SLAIN1: variants seen among roughly 807,000 people sequenced by gnomAD.
SLAIN1 encodes the protein SLAIN family member 1.
Under a neutral mutation model 55.4 loss-of-function variants are expected in SLAIN1, and 17 were observed. The ratio of observed to expected loss-of-function variants is 0.31; its 90% CI spans 0.21 to 0.46. The LOEUF (loss-of-function observed/expected upper bound fraction) is 0.46, where lower values mean the gene tolerates loss of function less well. Among genes scored for constraint, SLAIN1 ranks in the 20% least tolerant of loss-of-function variants. The pLI, the probability that SLAIN1 is intolerant of heterozygous loss-of-function variation, is 1.00. For synonymous variants in SLAIN1, 348 were observed against 337.4 expected (o/e 1.03, Z -0.35); for missense variants, 682 against 785.1 (o/e 0.87, Z 1.57).
At chr13:77,746,432 AT>A in intron 3 of SLAIN1, 81 bp from the exon 4 acceptor site, 2 of 1,243,708 alleles carry the variant, frequency 1.6e-6, no homozygotes, top group Non-Finnish European at 1.1e-6. Flanking sequence ...ATTTGGCACA[AT>A]TTTTCATCTA....
chr13:77,712,642 A>T (rs1459107930), intron 1 of SLAIN1, among the ~76,000 whole-genome samples: 1 of 152,218 alleles, frequency 6.6e-6, no homozygotes, highest in Admixed American at 6.5e-5. Context: ...GCCCAAAGTA[A>T]TTTATAGATT....
intron 4 of SLAIN1, among the ~76,000 whole-genome samples, chr13:77,749,941 G>T (rs1268240960): frequency 6.6e-6 from 1 of 152,150 alleles, no homozygotes; most frequent in Non-Finnish European, 1.5e-5. Flanking sequence ...CAGATTAGAG[G>T]CATAGCCAAA....
intron 2 of SLAIN1, chr13:77,742,900 C>T: frequency 4.1e-6 from 2 of 487,494 alleles, no homozygotes; most frequent in South Asian, 3.4e-5. Context: ...TAAGATAGTC[C>T]TATGAAAAGT....
At chr13:77,748,720 C>G (rs946376913) in intron 4 of SLAIN1, among the ~76,000 whole-genome samples, 4 of 152,098 alleles carry the variant, frequency 2.6e-5, no homozygotes, top group African/African-American at 4.8e-5. Context: ...AATACAAAGG[C>G]AATCTTCTGG....
intron 1 of SLAIN1, among the ~76,000 whole-genome samples, chr13:77,715,756 T>C (rs891141601): frequency 5.9e-5 from 9 of 152,168 alleles, no homozygotes; most frequent in African/African-American, 2.2e-4. Context: ...ATCGAAACTT[T>C]TGTCTATTTT....
chr13:77,727,444 AAAAACAAAACAATTTT>A (rs2154409900), intron 2 of SLAIN1, among the ~76,000 whole-genome samples: 1 of 151,586 alleles, frequency 6.6e-6, no homozygotes, highest in South Asian at 2.1e-4. Flanking sequence ...GGGCAAAAAA[AAAAACAAAACAATTTT>A]CATTGAACAT....
chr13:77,720,496 C>A (rs899083241), intron 2 of SLAIN1, among the ~76,000 whole-genome samples: 1 of 152,156 alleles, frequency 6.6e-6, no homozygotes, highest in African/African-American at 2.4e-5. Flanking sequence ...TATTTGAGAA[C>A]GCTGCCCATG....
chr13:77,720,220 G>C (rs762425251), intron 2 of SLAIN1, among the ~76,000 whole-genome samples: 2 of 152,142 alleles, frequency 1.3e-5, no homozygotes, highest in Non-Finnish European at 2.9e-5. Context: ...AAATGAATGA[G>C]TGGTACTCAG....
chr13:77,743,159 A>C (rs1311324200), intron 2 of SLAIN1: 1 of 1,300,466 alleles, frequency 7.7e-7, no homozygotes, highest in African/African-American at 1.5e-5. Context: ...AACACCTGAA[A>C]AAACAGGTAA....
At chr13:77,722,681 A>G (rs2091272973) in intron 2 of SLAIN1, among the ~76,000 whole-genome samples, 1 of 152,114 alleles carries the variant, frequency 6.6e-6, no homozygotes. Flanking sequence ...CCTTTAGGGG[A>G]CATCAGTATA....
rs570576137 is a variant in SLAIN1 at position 77,703,256 on chromosome 13, A to G, written c.626+4717A>G. ...ATGGTGACTTGTACAAATTAAGAAA[A>G]ATTTAATGAATGAGATATTCATCTT... is the stretch of plus-strand genomic sequence containing the variant. On this transcript the variant is annotated intron_variant, in intron 1 of 6. Transcript: ENST00000418532. 1.6e-4 allele frequency among the ~76,000 whole-genome samples: 24 copies of G among 152,258 alleles called. No homozygotes were observed. The South Asian group carries it at 4.4e-3, about 28-fold the overall frequency.
At chr13:77,707,236 T>C (rs958413751) in intron 1 of SLAIN1, among the ~76,000 whole-genome samples, 2 of 152,172 alleles carry the variant, frequency 1.3e-5, no homozygotes, top group African/African-American at 2.4e-5. Context: ...TATTTTGTTT[T>C]CAGGAGACTT....
At chr13:77,725,193 A>G (rs141291077) in intron 2 of SLAIN1, among the ~76,000 whole-genome samples, 10 of 152,344 alleles carry the variant, frequency 6.6e-5, no homozygotes, top group African/African-American at 2.4e-4. Context: ...GGCATAGACT[A>G]GCATCAGTTG....
chr13:77,754,270 C>T (rs149053471), intron 5 of SLAIN1, among the ~76,000 whole-genome samples: 2 of 152,232 alleles, frequency 1.3e-5, no homozygotes, highest in East Asian at 1.9e-4. Flanking sequence ...TAACATGCAG[C>T]GATCTTTCAT....
intron 2 of SLAIN1, among the ~76,000 whole-genome samples, chr13:77,719,902 T>C (rs1594263126): frequency 6.6e-6 from 1 of 152,150 alleles, no homozygotes; most frequent in Non-Finnish European, 1.5e-5. Context: ...CATATTGCAA[T>C]GTAGGAACAC....
chr13:77,714,599 C>T (rs1383259623), intron 1 of SLAIN1, among the ~76,000 whole-genome samples: 1 of 152,120 alleles, frequency 6.6e-6, no homozygotes, highest in African/African-American at 2.4e-5. Flanking sequence ...GGTGACAGAG[C>T]AAGACCATGT....
In SLAIN1 at chr13:77,697,961, A is replaced by G. The variant is rs909912370; in HGVS notation, c.48A>G (p.Gly16=). The change falls in exon 1 of 7, where the codon GGA becomes GGG. Residue 16 remains glycine (G), a synonymous_variant. Coordinates refer to ENST00000418532, the MANE Select transcript of SLAIN1 (RefSeq NM_001242868.2). ...GCGCCTCGGCAGGGGTCAGCTCTGGAGCGGGCTCCGGGCCGGTGGTGAACG... is the reference window on the plus strand; with the variant it reads ...GCGCCTCGGCAGGGGTCAGCTCTGGGGCGGGCTCCGGGCCGGTGGTGAACG... ...VKCASAGVSS[G]AGSGPVVNAE... 1.4e-6 allele frequency: 2 copies of G among 1,445,512 alleles called. No individual in the cohort carries two copies. Among genetic ancestry groups the G allele is most frequent in the Non-Finnish European group, 1.8e-6 (2 of 1,090,464 alleles). The allele number at this position is 1,445,512 out of a possible 1,614,324, so 89.5% of individuals were successfully genotyped here.
intron 4 of SLAIN1, among the ~76,000 whole-genome samples, chr13:77,751,723 G>T (rs1418048763): frequency 1.3e-5 from 2 of 152,204 alleles, no homozygotes; most frequent in African/African-American, 4.8e-5. Flanking sequence ...GTGCTCAGGA[G>T]CTTGGCCTTT....
chr13:77,763,083 G>T, intron 6 of SLAIN1, 62 bp from the exon 7 acceptor site: 1 of 1,386,044 alleles, frequency 7.2e-7, no homozygotes, highest in South Asian at 1.2e-5. Flanking sequence ...AGGTCAAAGT[G>T]AGTGATGTGA....
Sources: gnomAD v4.1 joint callset for allele counts (sites outside exome capture counted in the v4.1 genomes callset) on GRCh38, gnomAD v4.1.1 for gene constraint, MANE v1.5 for transcripts, NCBI Gene and HGNC (gene_info 2026-07-23, HGNC 2026-07-21) for gene names.